The following PCBP3 variants were observed in gnomAD, a reference collection of about 807,000 sequenced individuals.
The protein encoded by PCBP3 is poly(rC)-binding protein 3.
A neutral mutation model predicts 52.7 loss-of-function variants in PCBP3; 25 were observed. The observed-to-expected ratio is 0.47, with a 90% CI of 0.35 to 0.66. The LOEUF (loss-of-function observed/expected upper bound fraction) is 0.66, where lower values mean the gene tolerates loss of function less well. PCBP3 is among the 30% of genes least tolerant of loss of function. The pLI is 0.01. For missense variants in PCBP3, 391 were observed against 490.3 expected (o/e 0.80, Z 1.91); for synonymous variants, 162 against 183.0 (o/e 0.89, Z 0.93).
chr21:45,773,215 T>C (rs2090011651), intron 4 of PCBP3, among the ~76,000 whole-genome samples: 1 of 152,212 alleles, frequency 6.6e-6, no homozygotes. Context: ...TTCCATGTCT[T>C]ACATTTAAGT....
intron 2 of PCBP3, chr21:45,673,717 C>T (rs1270209014): frequency 1.3e-5 from 2 of 152,082 alleles, no homozygotes; most frequent in African/African-American, 4.8e-5. Context: ...ATTATTTCAT[C>T]CTGAAGTACT....
At chr21:45,773,145 C>A (rs1242681783) in intron 4 of PCBP3, among the ~76,000 whole-genome samples, 1 of 152,104 alleles carries the variant, frequency 6.6e-6, no homozygotes, top group East Asian at 1.9e-4. Context: ...GTCATAAATT[C>A]TTTGCCTAGA....
intron 4 of PCBP3, among the ~76,000 whole-genome samples, chr21:45,822,282 G>A (rs2839009): frequency 0.16 from 24,920 of 152,094 alleles, 2,179 homozygotes; most frequent in Middle Eastern, 0.32. Context: ...TCCTCTGGCC[G>A]CACTGTCCAT....
intron 4 of PCBP3, among the ~76,000 whole-genome samples, chr21:45,782,130 C>A (rs1021310503): frequency 6.6e-6 from 1 of 151,836 alleles, no homozygotes; most frequent in Non-Finnish European, 1.5e-5. Flanking sequence ...TATTTTTTAA[C>A]CATGATGTTC....
At chr21:45,874,505 C>CTTTTTTTTT in intron 5 of PCBP3, among the ~76,000 whole-genome samples, 1 of 134,012 alleles carries the variant, frequency 7.5e-6, no homozygotes, top group Non-Finnish European at 1.6e-5. Flanking sequence ...TTCTTCTTTT[C>CTTTTTTTTT]TTTTTTTTTT....
intron 2 of PCBP3, among the ~76,000 whole-genome samples, chr21:45,712,063 CT>C (rs1411376945): frequency 1.3e-5 from 2 of 152,184 alleles, no homozygotes; most frequent in Non-Finnish European, 2.9e-5. Context: ...GTTAGTCTGT[CT>C]TCATATCTTG....
chr21:45,817,325 C>T lies in PCBP3; in HGVS notation c.-125-32636C>T, dbSNP rs1248998599. The stretch of plus-strand genomic sequence containing the variant: ...CTCCACTGTGGCTGTGAGCAGTCCC[C>T]GCCTCGTGGTACCACATGACATTTA... On this transcript the variant is annotated intron_variant, in intron 4 of 17. Coordinates refer to ENST00000681687, the MANE Select transcript of PCBP3 (RefSeq NM_001384156.1). This position sits in a 1 kb window ranked among gnomAD's most constrained non-coding sequence, Gnocchi z 4.3. 1.3e-5 allele frequency among the ~76,000 whole-genome samples: 2 copies of T among 152,288 alleles called. No homozygotes were observed. Among genetic ancestry groups the T allele is most frequent in the South Asian group, 4.1e-4 (2 of 4,824 alleles).
intron 1 of PCBP3, among the ~76,000 whole-genome samples, chr21:45,663,260 A>T (rs1022510467): frequency 1.1e-4 from 17 of 151,996 alleles, no homozygotes; most frequent in African/African-American, 4.1e-4. Context: ...ATCATTGCAG[A>T]TGGCTCACAC....
intron 4 of PCBP3, among the ~76,000 whole-genome samples, chr21:45,824,749 G>T (rs1460996029): frequency 6.6e-6 from 1 of 152,304 alleles, no homozygotes; most frequent in Middle Eastern, 3.4e-3. Context: ...CCAGATGGCT[G>T]CTCCCCACTG....
At chr21:45,869,580 C>T in intron 5 of PCBP3, among the ~76,000 whole-genome samples, 1 of 152,222 alleles carries the variant, frequency 6.6e-6, no homozygotes, top group East Asian at 1.9e-4. Context: ...CCACCCTCCT[C>T]CATCATGCTG....
chr21:45,906,619 C>T (rs941260052), intron 9 of PCBP3, among the ~76,000 whole-genome samples: 8 of 151,930 alleles, frequency 5.3e-5, no homozygotes, highest in Non-Finnish European at 1.2e-4. Flanking sequence ...GTGTCAGGTG[C>T]AGCGTCAAGA....
intron 5 of PCBP3, among the ~76,000 whole-genome samples, chr21:45,868,032 C>T (rs2148567676): frequency 6.6e-6 from 1 of 152,392 alleles, no homozygotes; most frequent in African/African-American, 2.4e-5. Flanking sequence ...GGGGGTCTGG[C>T]ACCTCACTCG....
intron 2 of PCBP3, among the ~76,000 whole-genome samples, chr21:45,716,944 A>G (rs1424455621): frequency 1.3e-5 from 2 of 152,188 alleles, no homozygotes; most frequent in Non-Finnish European, 2.9e-5. Context: ...TTTGTAGATT[A>G]GTTTAGGACA....
At chr21:45,730,586 A>T (rs1267200741) in intron 2 of PCBP3, among the ~76,000 whole-genome samples, 1 of 152,158 alleles carries the variant, frequency 6.6e-6, no homozygotes, top group Non-Finnish European at 1.5e-5. Flanking sequence ...TATATCCCGT[A>T]CTGATCTTCT....
chr21:45,716,140 G>A (rs964731294), intron 2 of PCBP3, among the ~76,000 whole-genome samples: 8 of 151,874 alleles, frequency 5.3e-5, no homozygotes, highest in East Asian at 3.9e-4. Context: ...ATTAATTTTC[G>A]TATATAGTAT....
intron 4 of PCBP3, among the ~76,000 whole-genome samples, chr21:45,808,916 A>G (rs2092596470): frequency 6.6e-6 from 1 of 152,198 alleles, no homozygotes; most frequent in Admixed American, 6.5e-5. Flanking sequence ...GGAAATCATC[A>G]TTCTCAGCAA....
Position 45,656,148 on chromosome 21 carries a change from T to A in PCBP3, c.-279+12280T>A, listed in dbSNP as rs538227436. 9.8e-5 allele frequency among the ~76,000 whole-genome samples: 15 copies of A among 152,348 alleles called. No homozygotes were observed. The East Asian group carries it at 2.9e-3, about 29-fold the overall frequency. On this transcript the variant is annotated intron_variant, in intron 1 of 17. Coordinates refer to ENST00000681687, the MANE Select transcript of PCBP3 (RefSeq NM_001384156.1). This position sits in a 1 kb window ranked among gnomAD's most constrained non-coding sequence, Gnocchi z 4.3. ...CCCAGCAATCCCATTACTGGGTATA[T>A]ACCCAAAGGATTATAAATCATTCTA...
At chr21:45,694,905 A>G (rs1390542812) in intron 2 of PCBP3, among the ~76,000 whole-genome samples, 1 of 152,218 alleles carries the variant, frequency 6.6e-6, no homozygotes, top group African/African-American at 2.4e-5. Context: ...AAACTAAAAC[A>G]CCACGATCGA....
At chr21:45,706,859 A>G (rs760562068) in intron 2 of PCBP3, among the ~76,000 whole-genome samples, 1 of 152,242 alleles carries the variant, frequency 6.6e-6, no homozygotes, top group African/African-American at 2.4e-5. Context: ...TCTAGGAATT[A>G]GGTATTTACT....
Sources: gnomAD v4.1 joint callset for allele counts (sites outside exome capture counted in the v4.1 genomes callset) on GRCh38, gnomAD v4.1.1 for gene constraint, Gnocchi (gnomAD v3.1) non-coding constraint, MANE v1.5 for transcripts, NCBI Gene and HGNC (gene_info 2026-07-23, HGNC 2026-07-21) for gene names.